The following LRRC37A2 variants were observed in gnomAD, a reference collection of about 807,000 sequenced individuals.
The protein encoded by LRRC37A2 is leucine-rich repeat-containing protein 37A2.
LRRC37A2 carries 9 observed loss-of-function variants against 68.8 expected under a neutral mutation model. The ratio of observed to expected loss-of-function variants is 0.13; its 90% CI spans 0.08 to 0.23. LRRC37A2 has a LOEUF of 0.23. Among genes scored for constraint, LRRC37A2 ranks in the 10% least tolerant of loss-of-function variants. The pLI is 1.00. For synonymous variants in LRRC37A2, 63 were observed against 367.6 expected (o/e 0.17, Z 9.48); for missense variants, 168 against 950.4 (o/e 0.18, Z 10.82).
At chr17:46,758,580 T>C in the LRRC37A2 span, among the ~76,000 whole-genome samples, 1 of 152,264 alleles carries the variant, frequency 6.6e-6, no homozygotes, top group African/African-American at 2.4e-5. Context: ...GAGGTTATTT[T>C]ATCCTTTCTA....
chr17:46,933,432 A>G, the LRRC37A2 span: 1 of 152,226 alleles, frequency 6.6e-6, no homozygotes, highest in African/African-American at 2.4e-5. Context: ...GAGTCTTTCA[A>G]ACGCCAGCAT....
At chr17:46,787,129 G>T in the LRRC37A2 span, among the ~76,000 whole-genome samples, 1 of 152,002 alleles carries the variant, frequency 6.6e-6, no homozygotes, top group Non-Finnish European at 1.5e-5. Context: ...TTGTAGAGAT[G>T]AAGTCCTGCT....
chr17:46,962,760 G>A, the LRRC37A2 span, among the ~76,000 whole-genome samples: 1 of 152,180 alleles, frequency 6.6e-6, no homozygotes, highest in Non-Finnish European at 1.5e-5. Context: ...CGTGCAGCAG[G>A]ACTGAGCAGT....
the LRRC37A2 span, among the ~76,000 whole-genome samples, chr17:46,401,692 TCA>T: frequency 2.9e-5 from 1 of 35,060 alleles, no homozygotes; most frequent in South Asian, 1.1e-3. Context: ...AAACATTTGA[TCA>T]TGAATCTCAT....
the LRRC37A2 span, among the ~76,000 whole-genome samples, chr17:46,962,277 C>T: frequency 8.0e-5 from 12 of 150,360 alleles, no homozygotes; most frequent in South Asian, 1.1e-3. Context: ...TGCAGTGAGC[C>T]GAGATTGCGC....
the LRRC37A2 span, among the ~76,000 whole-genome samples, chr17:46,818,118 C>T: frequency 6.6e-6 from 1 of 151,892 alleles, no homozygotes; most frequent in Non-Finnish European, 1.5e-5. Flanking sequence ...GATGGTTTTG[C>T]CCATGAAGAC....
At chr17:46,851,757 T>G in the LRRC37A2 span, 1 of 1,038,538 alleles carries the variant, frequency 9.6e-7, no homozygotes. The surrounding 1 kb of genome is among the most constrained non-coding windows in gnomAD (Gnocchi z 4.3). Flanking sequence ...CCGGCCTGCC[T>G]GTCTCTCCCT....
the LRRC37A2 span, among the ~76,000 whole-genome samples, chr17:46,961,297 G>C: frequency 5.9e-5 from 9 of 152,174 alleles, no homozygotes; most frequent in Non-Finnish European, 1.3e-4. Context: ...TAGCACTTTG[G>C]GAGGCTGAGG....
the LRRC37A2 span, among the ~76,000 whole-genome samples, chr17:46,951,695 AG>A: frequency 6.6e-6 from 1 of 152,182 alleles, no homozygotes; most frequent in African/African-American, 2.4e-5. Context: ...TAATGCTGAC[AG>A]GGTTGCCCCA....
chr17:46,463,866 C>CA, the LRRC37A2 span, among the ~76,000 whole-genome samples: 30,671 of 87,064 alleles, frequency 0.35, 10,259 homozygotes, highest in Middle Eastern at 0.62. Flanking sequence ...ATCCCGTCTT[C>CA]AAAAAAAAAA....
At chr17:46,873,133 C>T in the LRRC37A2 span, among the ~76,000 whole-genome samples, 9 of 144,914 alleles carry the variant, frequency 6.2e-5, no homozygotes, top group East Asian at 1.7e-3. Flanking sequence ...CACACACACA[C>T]GAAACAAGGC....
chr17:46,981,439 T>C, the LRRC37A2 span, among the ~76,000 whole-genome samples: 2 of 152,190 alleles, frequency 1.3e-5, no homozygotes, highest in Non-Finnish European at 2.9e-5. Context: ...TCTTTCTCTC[T>C]CTTCTCTTTC....
the LRRC37A2 span, among the ~76,000 whole-genome samples, chr17:46,970,440 T>C: frequency 9.6e-5 from 14 of 145,486 alleles, no homozygotes; most frequent in Middle Eastern, 3.6e-3. Flanking sequence ...ACTTGTGAGC[T>C]GAAGTAGGAG....
chr17:46,791,728 A>G, the LRRC37A2 span, among the ~76,000 whole-genome samples: 1 of 152,246 alleles, frequency 6.6e-6, no homozygotes, highest in Non-Finnish European at 1.5e-5. Flanking sequence ...TGGGGGAAAC[A>G]CACGTTGTGT....
At chr17:47,038,428 C>T in the LRRC37A2 span, among the ~76,000 whole-genome samples, 1 of 152,012 alleles carries the variant, frequency 6.6e-6, no homozygotes, top group Middle Eastern at 3.4e-3. Flanking sequence ...CCAGCCTGGG[C>T]AACATAGTGA....
chr17:46,779,657 T>C, the LRRC37A2 span, among the ~76,000 whole-genome samples: 1 of 152,234 alleles, frequency 6.6e-6, no homozygotes, highest in African/African-American at 2.4e-5. Flanking sequence ...TGGCCTTATC[T>C]AACTCCCATC....
chr17:46,456,210 A>ATGTGTGTGTGTG, the LRRC37A2 span, among the ~76,000 whole-genome samples: 8 of 90,700 alleles, frequency 8.8e-5, no homozygotes, highest in East Asian at 1.2e-3. Context: ...TCCATGGGAT[A>ATGTGTGTGTGTG]TGTGTGTGTG....
At chr17:46,905,780 T>TGTGTGTG in the LRRC37A2 span, among the ~76,000 whole-genome samples, 27 of 116,962 alleles carry the variant, frequency 2.3e-4, no homozygotes, top group African/African-American at 5.7e-4. Context: ...CTCTGTGTGT[T>TGTGTGTG]TGTGTGTGTG....
the LRRC37A2 span, among the ~76,000 whole-genome samples, chr17:46,789,157 T>C: frequency 6.6e-6 from 1 of 152,152 alleles, no homozygotes; most frequent in African/African-American, 2.4e-5. Flanking sequence ...TACCTGAACC[T>C]GGAGCTGCCC....
Sources: allele counts gnomAD v4.1 joint callset (sites outside exome capture counted in the v4.1 genomes callset), GRCh38; gene constraint gnomAD v4.1.1; non-coding constraint Gnocchi (gnomAD v3.1); transcripts MANE v1.5; gene names NCBI Gene and HGNC (gene_info 2026-07-23, HGNC 2026-07-21).